The following RIF1 variants were observed in gnomAD, a reference collection of about 807,000 sequenced individuals.
The protein encoded by RIF1 is replication timing regulatory factor 1, also known as telomere-associated protein RIF1.
In RIF1, 45 loss-of-function variants were observed where a neutral mutation model predicts 247.1. The ratio of observed to expected loss-of-function variants is 0.18; its 90% CI spans 0.14 to 0.23. The LOEUF (loss-of-function observed/expected upper bound fraction) is 0.23. RIF1 is among the 10% of genes least tolerant of loss of function. RIF1 has a pLI of 1.00. For missense variants in RIF1, 2,967 were observed against 2,862.5 expected (o/e 1.04, Z -0.83); for synonymous variants, 1,087 against 978.8 (o/e 1.11, Z -2.06).
intron 12 of RIF1, among the ~76,000 whole-genome samples, chr2:151,504,823 C>T (rs1444069096): frequency 2.6e-5 from 4 of 152,148 alleles, no homozygotes; most frequent in South Asian, 2.1e-4. Flanking sequence ...GTGGGGGACA[C>T]GTGCCCTGCA....
intron 12 of RIF1, chr2:151,503,282 A>G: frequency 2.5e-6 from 3 of 1,206,750 alleles, no homozygotes; most frequent in Non-Finnish European, 2.4e-6. Context: ...CTTTCTTTAA[A>G]AAAGATGGGT....
the RIF1 span, among the ~76,000 whole-genome samples, chr2:151,519,503 G>A: frequency 1.3e-5 from 2 of 152,170 alleles, no homozygotes; most frequent in African/African-American, 4.8e-5. Flanking sequence ...TTTGCTTAAT[G>A]GTTATAGTTT....
chr2:151,505,214 T>A (rs2067870380), intron 12 of RIF1, among the ~76,000 whole-genome samples: 1 of 152,134 alleles, frequency 6.6e-6, no homozygotes, highest in African/African-American at 2.4e-5. Flanking sequence ...GGCATGATAA[T>A]TAATTAAGAA....
the RIF1 span, among the ~76,000 whole-genome samples, chr2:151,517,555 CTT>C: frequency 6.6e-6 from 1 of 152,148 alleles, no homozygotes; most frequent in Non-Finnish European, 1.5e-5. Flanking sequence ...ATGAGAAAGG[CTT>C]TGTTATGCAA....
the RIF1 span, chr2:151,514,292 G>C: frequency 3.1e-4 from 458 of 1,462,624 alleles, no homozygotes; most frequent in East Asian, 2.0e-3. Flanking sequence ...TATGAATTAC[G>C]TGCAGGCAGT....
In RIF1 at chr2:151,457,815, A is replaced by G. The variant is rs372182754; in HGVS notation, c.2707A>G (p.Thr903Ala). ...IACLQFSYTGTYDSELLEQLS... is the reference protein window; with the variant it reads ...IACLQFSYTGAYDSELLEQLS... ...TTGTCTGCAATTCAGCTACACCGGA[A>G]CTTATGATAGTGAACTTCTTGAACA... Residue 903 changes from threonine to alanine, a missense_variant, in exon 24 of 36, where the codon ACT becomes GCT. Physicochemically the swap from Thr to Ala is moderately conservative, Grantham distance 58. Around this residue, in one of 7 missense-constraint regions of RIF1, gnomAD observed 2,028 missense variants for 1,825.6 expected, o/e 1.11. Coordinates refer to ENST00000444746, the MANE Select transcript of RIF1 (RefSeq NM_018151.5). 1.9e-6 allele frequency: 3 copies of G among 1,613,818 alleles called. No individual in the cohort carries two copies. The highest frequency in any genetic ancestry group is 2.5e-6 in the Non-Finnish European group (3 of 1,179,902).
chr2:151,434,221 G>A (rs1337808188), intron 10 of RIF1, among the ~76,000 whole-genome samples: 3 of 151,288 alleles, frequency 2.0e-5, no homozygotes, highest in African/African-American at 4.9e-5. Context: ...ATACAAGGTT[G>A]GACCAGTTCT....
Position 151,498,241 on chromosome 2 carries a change from C to T in RIF1, c.*514-1104C>T, listed in dbSNP as rs1361820336. The stretch of plus-strand genomic sequence containing the variant: ...TTCTGAAGTTAAGTGGCATTTTTTC[C>T]CCTTTCTTTCCAAAATACCGAGCTA... On this transcript the variant is annotated intron_variant and NMD_transcript_variant, in intron 10 of 13. Transcript: ENST00000454583. The T allele has an allele frequency of 2.6e-6, 4 of 1,550,182 alleles. No homozygotes were observed. In the Admixed American group the frequency reaches 7.9e-5, roughly 30 times the overall value.
the RIF1 span, among the ~76,000 whole-genome samples, chr2:151,523,226 A>C: frequency 7.9e-4 from 121 of 152,318 alleles, no homozygotes; most frequent in African/African-American, 2.7e-3. Flanking sequence ...ATACTTATAC[A>C]ATTCCATTAA....
the RIF1 span, chr2:151,518,977 T>C: frequency 1.2e-6 from 2 of 1,612,126 alleles, no homozygotes; most frequent in Middle Eastern, 3.3e-4. Context: ...AACTGGCAAG[T>C]TGGCTTGTAT....
intron 23 of RIF1, 96 bp downstream of exon 23, chr2:151,456,716 A>AG (rs2152463684): frequency 2.8e-6 from 2 of 713,148 alleles, no homozygotes; most frequent in Non-Finnish European, 4.6e-6. Context: ...TGATTTTTAA[A>AG]GGGGTTATTC....
chr2:151,464,172 A>G lies in RIF1; in HGVS notation c.4652A>G (p.Asn1551Ser). Residue 1551 changes from asparagine to serine, a missense_variant, in exon 30 of 36, where the codon AAC (asparagine) becomes AGC (serine). Asn to Ser is a conservative substitution (Grantham distance 46). Around this residue, in one of 7 missense-constraint regions of RIF1, gnomAD observed 2,028 missense variants for 1,825.6 expected, o/e 1.11. Transcript: ENST00000444746. ...CAGGGTTTGCTTTCCAGCATTGAAAACTCAGAATCTGATAGTTCGGAGGCA... is the reference window on the plus strand; with the variant it reads ...CAGGGTTTGCTTTCCAGCATTGAAAGCTCAGAATCTGATAGTTCGGAGGCA... Reference protein sequence around the residue: ...ASQGLLSSIENSESDSSEAKE... With the variant: ...ASQGLLSSIESSESDSSEAKE... 6.2e-7 allele frequency: 1 copy of G among 1,609,494 alleles called. No homozygotes were observed. The highest frequency in any genetic ancestry group is 8.5e-7 in the Non-Finnish European group (1 of 1,178,910).
At chr2:151,485,936 A>C (rs1222497271), downstream of RIF1, 16 of 1,613,404 alleles carry the variant, frequency 9.9e-6, no homozygotes, top group Non-Finnish European at 1.4e-5. Context: ...AAGATTTTCT[A>C]TTCGTGGGGA....
In RIF1 at chr2:151,463,965, G is replaced by A; in HGVS notation, c.4445G>A (p.Gly1482Glu). The change falls in exon 30 of 36, where the codon GGA (glycine) becomes GAA (glutamate). Residue 1482 changes from glycine to glutamate, a missense_variant. Gly to Glu is a moderately conservative substitution (Grantham distance 98, BLOSUM62 -2). Transcript: ENST00000444746. ...QTLQENLIEK[G>E]SNLHEKTLGE... ...CTACAGGAGAATTTAATTGAGAAAG[G>A]AAGTAATTTACATGAGAAGACTCTT... 6.2e-7 allele frequency: 1 copy of A among 1,608,888 alleles called. No homozygotes were observed. The highest frequency in any genetic ancestry group is 2.2e-5 in the East Asian group (1 of 44,862).
chr2:151,489,949 A>G, intron 9 of RIF1: 1 of 1,510,422 alleles, frequency 6.6e-7, no homozygotes, highest in Non-Finnish European at 9.2e-7. Flanking sequence ...TAATTTATTT[A>G]AGTGAGTTGT....
At chr2:151,474,658 A>G (rs1355590643) in intron 35 of RIF1, among the ~76,000 whole-genome samples, 199 bp from the exon 36 acceptor site, 1 of 152,230 alleles carries the variant, frequency 6.6e-6, no homozygotes, top group Non-Finnish European at 1.5e-5. Context: ...CCTGGGCAAT[A>G]GAATGAGGCT....
chr2:151,506,040 C>T, intron 12 of RIF1: 1 of 834,546 alleles, frequency 1.2e-6, no homozygotes, highest in Non-Finnish European at 2.1e-6. Context: ...GGTGGTGGTA[C>T]ACAGGCACCT....
At chr2:151,531,955 C>T in the RIF1 span, 3 of 1,047,148 alleles carry the variant, frequency 2.9e-6, no homozygotes, top group Non-Finnish European at 2.9e-6. Flanking sequence ...TTTAAGGTAT[C>T]TAATTGTCCT....
rs2056919155 is a variant in RIF1, at chr2:151,491,926, A to C, written c.*416-3303A>C. The stretch of plus-strand genomic sequence containing the variant: ...CATGTCTTTTCCTCAGAGGAGAACA[A>C]AGATAAGGTAGAAATCAGCTTTGTA... On this transcript the variant is annotated intron_variant and NMD_transcript_variant, in intron 9 of 13. Coordinates refer to the RIF1 transcript ENST00000454583. 3.1e-6 allele frequency: 3 copies of C among 960,978 alleles called. No homozygotes were observed. In the South Asian group the frequency reaches 5.0e-5, roughly 16 times the overall value. The allele number at this position is 960,978 out of a possible 1,614,324, so 59.5% of individuals were successfully genotyped here.
Sources: gnomAD v4.1 joint callset for allele counts (sites outside exome capture counted in the v4.1 genomes callset) on GRCh38, gnomAD v4.1.1 for gene constraint, gnomAD v4.1.1 regional missense constraint, MANE v1.5 for transcripts, NCBI Gene and HGNC (gene_info 2026-07-23, HGNC 2026-07-21) for gene names.